The following NALF1 variants were observed in gnomAD, a reference collection of about 807,000 sequenced individuals.
The protein encoded by NALF1 is NALCN channel auxiliary factor 1.
In NALF1, 3 loss-of-function variants were observed where a neutral mutation model predicts 48.4. The ratio of observed to expected loss-of-function variants is 0.06; its 90% CI spans 0.03 to 0.16. The LOEUF (loss-of-function observed/expected upper bound fraction) is 0.16, where lower values mean the gene tolerates loss of function less well. NALF1 is among the 10% of genes least tolerant of loss of function. The pLI, the probability that NALF1 is intolerant of heterozygous loss-of-function variation, is 1.00. For missense variants in NALF1, 526 were observed against 571.5 expected, an observed-to-expected ratio of 0.92 and a Z score of 0.81; for synonymous variants, 262 against 245.7, an observed-to-expected ratio of 1.07 and a Z score of -0.62.
At chr13:107,751,021 T>C (rs879876314) in intron 1 of NALF1, among the ~76,000 whole-genome samples, 1 of 152,160 alleles carries the variant, frequency 6.6e-6, no homozygotes, top group Admixed American at 6.5e-5. Context: ...AGGCCAGAAA[T>C]TGATTAATCT....
chr13:107,818,778 A>G (rs949786574), intron 1 of NALF1, among the ~76,000 whole-genome samples: 1 of 139,226 alleles, frequency 7.2e-6, no homozygotes, highest in Non-Finnish European at 1.5e-5. Flanking sequence ...AGGCTGAGGC[A>G]GGAGAATGAC....
intron 1 of NALF1, among the ~76,000 whole-genome samples, chr13:107,365,762 C>T (rs1883141785): frequency 6.6e-6 from 1 of 152,178 alleles, no homozygotes; most frequent in Non-Finnish European, 1.5e-5. Flanking sequence ...AGAAATATCA[C>T]TAATTAAATA....
At chr13:107,573,772 G>A (rs1878056253) in intron 1 of NALF1, among the ~76,000 whole-genome samples, 2 of 152,128 alleles carry the variant, frequency 1.3e-5, no homozygotes, top group Non-Finnish European at 2.9e-5. Flanking sequence ...CATGAGATCT[G>A]ATGCTTTTAT....
At chr13:107,793,954 G>T (rs1878328919) in intron 1 of NALF1, among the ~76,000 whole-genome samples, 1 of 152,018 alleles carries the variant, frequency 6.6e-6, no homozygotes, top group Non-Finnish European at 1.5e-5. Flanking sequence ...TATTTCAGAT[G>T]AGATCAAGCA....
At chr13:107,367,142 G>A (rs1331662711) in intron 1 of NALF1, among the ~76,000 whole-genome samples, 1 of 152,206 alleles carries the variant, frequency 6.6e-6, no homozygotes, top group African/African-American at 2.4e-5. Context: ...TAAGCTGTAT[G>A]TGCTTACACT....
At chr13:107,233,224 A>G (rs1020488234) in intron 1 of NALF1, among the ~76,000 whole-genome samples, 4 of 152,254 alleles carry the variant, frequency 2.6e-5, no homozygotes, top group African/African-American at 9.6e-5. Flanking sequence ...CATAATTTGA[A>G]CACTCATATC....
intron 1 of NALF1, among the ~76,000 whole-genome samples, chr13:107,614,187 G>A (rs1005706611): frequency 2.0e-5 from 3 of 152,154 alleles, no homozygotes; most frequent in Non-Finnish European, 4.4e-5. Context: ...TCATATCACA[G>A]CAAGATCAAA....
At chr13:107,547,093 T>G (rs1003962201) in intron 1 of NALF1, among the ~76,000 whole-genome samples, 1 of 152,212 alleles carries the variant, frequency 6.6e-6, no homozygotes, top group African/African-American at 2.4e-5. Context: ...TGCCTGACAC[T>G]TTGAGAGTGT....
intron 1 of NALF1, among the ~76,000 whole-genome samples, chr13:107,455,259 T>C (rs1327118741): frequency 6.6e-6 from 1 of 152,144 alleles, no homozygotes; most frequent in Non-Finnish European, 1.5e-5. Flanking sequence ...AATTACCTAG[T>C]CTCTGGTGGT....
chr13:107,692,301 C>A (rs959816585), intron 1 of NALF1, among the ~76,000 whole-genome samples: 1 of 151,978 alleles, frequency 6.6e-6, no homozygotes, highest in African/African-American at 2.4e-5. Flanking sequence ...ACATTGAATA[C>A]CTGAATTTAG....
chr13:107,481,097 G>A (rs1401804314), intron 1 of NALF1, among the ~76,000 whole-genome samples: 1 of 152,116 alleles, frequency 6.6e-6, no homozygotes, highest in Non-Finnish European at 1.5e-5. Flanking sequence ...GGCAGCCCTG[G>A]CTTTTTGAGG....
At chr13:107,676,476 C>T (rs368593663) in intron 1 of NALF1, among the ~76,000 whole-genome samples, 2 of 152,206 alleles carry the variant, frequency 1.3e-5, no homozygotes, top group East Asian at 3.9e-4. Context: ...CCTGTCAAGG[C>T]TAGAGGAATG....
At chr13:107,542,944 A>G (rs1373373918) in intron 1 of NALF1, among the ~76,000 whole-genome samples, 1 of 152,048 alleles carries the variant, frequency 6.6e-6, no homozygotes, top group Non-Finnish European at 1.5e-5. Flanking sequence ...TCTTTTGTCC[A>G]TTTGTCACAA....
In NALF1 at chr13:107,565,456, T is replaced by C. The variant is rs564723409; in HGVS notation, c.915+300226A>G. Among the ~76,000 whole-genome samples the C allele has an allele frequency of 9.2e-5, 14 of 151,364 alleles. No homozygotes were observed. The East Asian group carries it at 2.5e-3, about 27-fold the overall frequency. On this transcript the variant is annotated intron_variant, in intron 1 of 2. Transcript: ENST00000375915. ...AGAGCTCTAGGAAGGTGATAAAGTATGCCCAAAAGAAAGCAATGTTCTAAT... is the reference window on the plus strand; with the variant it reads ...AGAGCTCTAGGAAGGTGATAAAGTACGCCCAAAAGAAAGCAATGTTCTAAT...
At chr13:107,560,382 T>C (rs546147351) in intron 1 of NALF1, among the ~76,000 whole-genome samples, 1 of 152,272 alleles carries the variant, frequency 6.6e-6, no homozygotes, top group South Asian at 2.1e-4. Context: ...AGGACTTGTC[T>C]GATGATTTCT....
Position 107,620,473 on chromosome 13 carries a change from T to C in NALF1, c.915+245209A>G, listed in dbSNP as rs116110085. ...ATAATTAGATGTTCACAAATCTGAT[T>C]CCTAATCAGCTAGACTTTCTCACCT... On this transcript the variant is annotated intron_variant, in intron 1 of 2. Coordinates refer to ENST00000375915, the MANE Select transcript of NALF1 (RefSeq NM_001080396.3). Among the ~76,000 whole-genome samples, 451 of 152,316 alleles carry C rather than the reference T, an allele frequency of 3.0e-3. 3 individuals carry two copies. The highest frequency in any genetic ancestry group is 0.01 in the African/African-American group (432 of 41,566).
chr13:107,796,892 C>T (rs1257365893), intron 1 of NALF1, among the ~76,000 whole-genome samples: 1 of 152,200 alleles, frequency 6.6e-6, no homozygotes. Context: ...TCATACTCTT[C>T]CATCACCTTA....
At chr13:107,562,557 G>GA (rs1329059965) in intron 1 of NALF1, among the ~76,000 whole-genome samples, 1 of 152,122 alleles carries the variant, frequency 6.6e-6, no homozygotes, top group South Asian at 2.1e-4. Context: ...ATTTTGCTCT[G>GA]AAAAAATCAG....
At chr13:107,819,184 C>CAAAT (rs111981543) in intron 1 of NALF1, among the ~76,000 whole-genome samples, 46,460 of 151,604 alleles carry the variant, frequency 0.31, 9,859 homozygotes, top group African/African-American at 0.59. Context: ...AAATATCTAC[C>CAAAT]AAATAAATAA....
Sources: allele counts gnomAD v4.1 joint callset (sites outside exome capture counted in the v4.1 genomes callset), GRCh38; gene constraint gnomAD v4.1.1; transcripts MANE v1.5; gene names NCBI Gene and HGNC (gene_info 2026-07-23, HGNC 2026-07-21).